ZNF483: variants seen among roughly 807,000 people sequenced by gnomAD.
ZNF483 encodes zinc finger protein 483, also known as zinc finger protein HIT-10.
Under a neutral mutation model 28.6 loss-of-function variants are expected in ZNF483, and 9 were observed. The ratio of observed to expected loss-of-function variants is 0.32; its 90% CI spans 0.19 to 0.55. The LOEUF (loss-of-function observed/expected upper bound fraction) is 0.55. Ranked by LOEUF, ZNF483 falls within the 20% of genes least tolerant of loss-of-function variation. The probability of loss-of-function intolerance (pLI) is 0.93; values close to 1 mark genes in which losing one functional copy is unlikely to be tolerated. For synonymous variants in ZNF483, 322 were observed against 306.2 expected, an observed-to-expected ratio of 1.05 and a Z score of -0.54; for missense variants, 675 against 871.7, an observed-to-expected ratio of 0.77 and a Z score of 2.84.
intron 5 of ZNF483, chr9:111,562,835 GA>G: frequency 4.4e-6 from 3 of 676,004 alleles, no homozygotes; most frequent in South Asian, 7.7e-5. Flanking sequence ...ACTTATGAAT[GA>G]AAACATACAG....
chr9:111,567,867 T>C lies in ZNF483; in HGVS notation c.722-8498T>C, dbSNP rs540946139. On this transcript the variant is annotated intron_variant, in intron 5 of 5. Transcript: ENST00000358151. ...TGGAGCCATGGCAGAGGAACATAAATTGTGAAGATTTCATTTTAATATGGA... is the reference window on the plus strand; with the variant it reads ...TGGAGCCATGGCAGAGGAACATAAACTGTGAAGATTTCATTTTAATATGGA... 2.3e-3 allele frequency among the ~76,000 whole-genome samples: 356 copies of C among 152,284 alleles called. 2 individuals are homozygous for C. The highest frequency in any genetic ancestry group is 8.4e-3 in the African/African-American group (350 of 41,566).
chr9:111,542,094 G>A lies in ZNF483; in HGVS notation c.1159G>A (p.Asp387Asn). ...HQKRQKIHLG[D>N]RSQKCSKCGI... The stretch of plus-strand genomic sequence containing the variant: ...GAAACGTCAGAAGATTCATTTGGGG[G>A]ATAGGTCCCAAAAATGCAGTAAGTG... The change falls in exon 6 of 6, where the codon GAT becomes AAT. Residue 387 changes from aspartate (D) to asparagine (N), a missense_variant. This residue lies in a region of ZNF483 where 525 missense variants were observed against 581.8 expected (regional missense o/e 0.90). Coordinates refer to ENST00000309235, the MANE Select transcript of ZNF483 (RefSeq NM_133464.5). This position sits in a 1 kb window ranked among gnomAD's most constrained non-coding sequence, Gnocchi z 6.2. The A allele has an allele frequency of 6.2e-7, 1 of 1,614,078 alleles. No homozygotes were observed. The highest frequency in any genetic ancestry group is 8.5e-7 in the Non-Finnish European group (1 of 1,180,016).
intron 5 of ZNF483, among the ~76,000 whole-genome samples, chr9:111,541,294 T>A (rs1827664833): frequency 6.6e-6 from 1 of 152,124 alleles, no homozygotes; most frequent in East Asian, 1.9e-4. Context: ...TTTCACCGTG[T>A]TAGCCAGGAT....
intron 3 of ZNF483, 42 bp downstream of exon 3, chr9:111,531,005 A>T: frequency 2.0e-6 from 2 of 1,006,518 alleles, no homozygotes; most frequent in Middle Eastern, 2.4e-4. Context: ...GTGAATACTT[A>T]ATTGAGCTCC....
rs1827867121 is a variant in ZNF483, at chr9:111,549,099, G to T, written c.*5929G>T. On this transcript the variant is annotated 3_prime_UTR_variant, in exon 6 of 6. Coordinates refer to ENST00000309235, the MANE Select transcript of ZNF483 (RefSeq NM_133464.5). ...AAGACCCTTCCAGTTCTGTAGAGTG[G>T]TTTATTGCTTTATTATCAGTGCAAT... Among the ~76,000 whole-genome samples the T allele has an allele frequency of 6.6e-6, 1 of 152,060 alleles. No homozygotes were observed. Among genetic ancestry groups the T allele is most frequent in the Admixed American group, 6.6e-5 (1 of 15,250 alleles).
chr9:111,569,850 A>T, intron 5 of ZNF483: 1 of 550,324 alleles, frequency 1.8e-6, no homozygotes, highest in South Asian at 2.1e-5. Context: ...TTTTGTTATA[A>T]AAGGGAGAGA....
At position 111,545,933 on chromosome 9, in the gene ZNF483, C is replaced by CTAGG. The variant is rs1433317976; in HGVS notation, c.*2765_*2768dup. ...TTAGGCAGATGCCTGAGGGGAGTTGCTAGGTCATACGGTAAATTTTCATTT... is the reference window on the plus strand; with the variant it reads ...TTAGGCAGATGCCTGAGGGGAGTTGCTAGGTAGGTCATACGGTAAATTTTCATTT... On this transcript the variant is annotated 3_prime_UTR_variant, in exon 6 of 6. Transcript: ENST00000309235. Among the ~76,000 whole-genome samples the CTAGG allele has an allele frequency of 6.6e-6, 1 of 152,106 alleles. No homozygotes were observed. The highest frequency in any genetic ancestry group is 1.5e-5 in the Non-Finnish European group (1 of 68,000).
chr9:111,569,310 C>CT (rs1226140461), intron 5 of ZNF483, among the ~76,000 whole-genome samples: 1 of 152,094 alleles, frequency 6.6e-6, no homozygotes, highest in Non-Finnish European at 1.5e-5. Flanking sequence ...TAAAGAAAAG[C>CT]TAGCAAGAGT....
intron 5 of ZNF483, among the ~76,000 whole-genome samples, chr9:111,571,457 T>C (rs2132354528): frequency 6.7e-6 from 1 of 148,984 alleles, no homozygotes; most frequent in South Asian, 2.2e-4. Flanking sequence ...ATGTGGGTGT[T>C]TTTGTGTCTG....
At chr9:111,557,377 TA>T (rs201364819), downstream of ZNF483, among the ~76,000 whole-genome samples, 96 of 143,846 alleles carry the variant, frequency 6.7e-4, no homozygotes, top group Non-Finnish European at 5.8e-4. Context: ...CCATCTCCAG[TA>T]AAAAAAAAAA....
At chr9:111,573,457 A>AGCCTTAT (rs1354284906) in intron 5 of ZNF483, among the ~76,000 whole-genome samples, 2 of 152,132 alleles carry the variant, frequency 1.3e-5, no homozygotes, top group Admixed American at 6.5e-5. Context: ...GTGGGGCTAT[A>AGCCTTAT]AGGTTTCATT....
rs1827818084 is a variant in ZNF483, at chr9:111,546,796, A to G, written c.*3626A>G. ...CACTATCCATCTCCAGAACTTTTTC[A>G]TCATCCCAAACTGAAACTCTGTACT... On this transcript the variant is annotated 3_prime_UTR_variant, in exon 6 of 6. Transcript: ENST00000309235. Among the ~76,000 whole-genome samples, 1 of 152,186 alleles carries G rather than the reference A, an allele frequency of 6.6e-6. No individual in the cohort carries two copies. Among genetic ancestry groups the G allele is most frequent in the African/African-American group, 2.4e-5 (1 of 41,456 alleles).
At chr9:111,567,774 A>G (rs1341329842) in intron 5 of ZNF483, among the ~76,000 whole-genome samples, 6 of 152,174 alleles carry the variant, frequency 3.9e-5, no homozygotes, top group Non-Finnish European at 8.8e-5. Context: ...TAGGGATGCA[A>G]AGATGGGAGG....
chr9:111,557,226 T>C (rs147725815), downstream of ZNF483, among the ~76,000 whole-genome samples: 6 of 151,888 alleles, frequency 4.0e-5, no homozygotes, highest in Admixed American at 1.3e-4. Context: ...ATCCAAAAAT[T>C]AGCCGGGCAT....
Position 111,570,237 on chromosome 9 carries a change from GCAGGATC to G in ZNF483, c.722-6123_722-6117del, listed in dbSNP as rs779105749. 1.2e-5 allele frequency: 20 copies of G among 1,602,344 alleles called. 1 individual carries two copies. The East Asian group carries it at 4.2e-4, about 34-fold the overall frequency. Reference sequence around the variant, plus strand: ...GTGAAGAGAAGGGCACATTTGGGTGGCAGGATCCAGGGAGGTGCCCATGGTGAAACAA... The same window carrying G: ...GTGAAGAGAAGGGCACATTTGGGTGGCAGGGAGGTGCCCATGGTGAAACAA... On this transcript the variant is annotated intron_variant, in intron 5 of 5. Coordinates refer to the ZNF483 transcript ENST00000358151.
chr9:111,536,756 CA>C (rs913819105), intron 5 of ZNF483, among the ~76,000 whole-genome samples: 27 of 151,990 alleles, frequency 1.8e-4, no homozygotes, highest in African/African-American at 6.5e-4. Context: ...GTTAACTCTC[CA>C]AAAACATAAC....
chr9:111,529,703 G>C (rs1827271797), intron 2 of ZNF483, among the ~76,000 whole-genome samples: 1 of 152,182 alleles, frequency 6.6e-6, no homozygotes, highest in African/African-American at 2.4e-5. Flanking sequence ...GTGAGCTTAG[G>C]ATTTGAAAAG....
chr9:111,541,374 C>T (rs1202148960), intron 5 of ZNF483, among the ~76,000 whole-genome samples: 1 of 152,154 alleles, frequency 6.6e-6, no homozygotes, highest in Non-Finnish European at 1.5e-5. Context: ...CAGGCATGAG[C>T]CACCGTGCCC....
At position 111,571,361 on chromosome 9, in the gene ZNF483, A is replaced by G. The variant is rs972862781; in HGVS notation, c.722-5004A>G. Reference sequence around the variant, plus strand: ...CGGAAGGGGACTGCAGTGAGCTGAGATTGCACCACTCCACTCCAGCCTGGG... The same window carrying G: ...CGGAAGGGGACTGCAGTGAGCTGAGGTTGCACCACTCCACTCCAGCCTGGG... On this transcript the variant is annotated intron_variant, in intron 5 of 5. Transcript: ENST00000358151. 7.3e-5 allele frequency among the ~76,000 whole-genome samples: 11 copies of G among 149,884 alleles called. 1 individual carries two copies. In the Admixed American group the frequency reaches 7.5e-4, roughly 10 times the overall value.
Sources: gnomAD v4.1 joint callset for allele counts (sites outside exome capture counted in the v4.1 genomes callset) on GRCh38, gnomAD v4.1.1 for gene constraint, gnomAD v4.1.1 regional missense constraint, Gnocchi (gnomAD v3.1) non-coding constraint, MANE v1.5 for transcripts, NCBI Gene and HGNC (gene_info 2026-07-23, HGNC 2026-07-21) for gene names.